The following FBXO36 variants were observed in gnomAD, a reference collection of about 807,000 sequenced individuals.
The protein encoded by FBXO36 is F-box only protein 36.
FBXO36 carries 18 observed loss-of-function variants against 17.0 expected under a neutral mutation model. The observed-to-expected ratio is 1.06, with a 90% CI of 0.73 to 1.57. FBXO36 has a LOEUF of 1.57. Among genes scored for constraint, FBXO36 ranks in the 40% most tolerant of loss-of-function variants. FBXO36 has a pLI of 0.00. For missense variants in FBXO36, 229 were observed against 221.9 expected (o/e 1.03, Z -0.20); for synonymous variants, 83 against 85.3 (o/e 0.97, Z 0.15).
chr2:229,944,573 T>C (rs999753623), intron 1 of FBXO36, among the ~76,000 whole-genome samples: 2 of 148,568 alleles, frequency 1.3e-5, no homozygotes, highest in African/African-American at 4.9e-5. Context: ...CTAGCAAAAC[T>C]GGTATTTTTT....
chr2:230,005,588 G>A (rs756625085), intron 3 of FBXO36, among the ~76,000 whole-genome samples: 11 of 152,044 alleles, frequency 7.2e-5, no homozygotes, highest in African/African-American at 1.2e-4. Context: ...TATAATATGC[G>A]CCTCCATGCA....
At chr2:229,967,725 A>G (rs1560444224) in intron 1 of FBXO36, among the ~76,000 whole-genome samples, 1 of 152,164 alleles carries the variant, frequency 6.6e-6, no homozygotes, top group Non-Finnish European at 1.5e-5. Context: ...CCAGGGATGA[A>G]GCCCACTTGA....
At chr2:229,929,684 A>G (rs2076929571) in intron 1 of FBXO36, among the ~76,000 whole-genome samples, 1 of 151,772 alleles carries the variant, frequency 6.6e-6, no homozygotes, top group Non-Finnish European at 1.5e-5. Context: ...CAGCCTGGCC[A>G]ACATTCTACT....
chr2:229,938,652 C>A (rs1240561950), intron 1 of FBXO36, among the ~76,000 whole-genome samples: 3 of 149,198 alleles, frequency 2.0e-5, no homozygotes, highest in African/African-American at 5.0e-5. Flanking sequence ...TCCCCACCAT[C>A]ATGCCGGGCT....
intron 3 of FBXO36, among the ~76,000 whole-genome samples, chr2:229,998,719 C>T (rs573645449): frequency 7.9e-5 from 12 of 151,508 alleles, no homozygotes; most frequent in African/African-American, 2.7e-4. Context: ...GAGCCCAGGA[C>T]GTTGAGGTTA....
At chr2:229,979,974 C>T (rs1003572411) in intron 2 of FBXO36, among the ~76,000 whole-genome samples, 1 of 152,116 alleles carries the variant, frequency 6.6e-6, no homozygotes, top group African/African-American at 2.4e-5. Context: ...GTGGACCAGA[C>T]ATGTTTCTAT....
At chr2:229,973,577 C>T (rs1246808944) in intron 1 of FBXO36, among the ~76,000 whole-genome samples, 1 of 151,772 alleles carries the variant, frequency 6.6e-6, no homozygotes, top group African/African-American at 2.4e-5. Flanking sequence ...AAAAATTAGC[C>T]AGGTGCCGTG....
chr2:229,922,563 C>T lies in FBXO36; in HGVS notation c.50C>T (p.Pro17Leu), dbSNP rs1306732381. ...ETLFETVGQG[P>L]PPSKDYYQLL... is the part of the protein sequence containing the mutation. ...CTCTTTGAAACTGTAGGACAAGGCCCGCCGCCTAGCAAAGACTATTACCAG... is the reference window on the plus strand; with the variant it reads ...CTCTTTGAAACTGTAGGACAAGGCCTGCCGCCTAGCAAAGACTATTACCAG... The change falls in exon 1 of 4, where the codon CCG becomes CTG. Residue 17 changes from proline to leucine, a missense_variant. Coordinates refer to ENST00000283946, the MANE Select transcript of FBXO36 (RefSeq NM_174899.5). The T allele has an allele frequency of 6.2e-7, 1 of 1,614,112 alleles. No homozygotes were observed. Among genetic ancestry groups the T allele is most frequent in the African/African-American group, 1.3e-5 (1 of 75,046 alleles).
chr2:229,992,088 GTA>G lies in FBXO36; in HGVS notation c.206-4661_206-4660del, dbSNP rs550284425. ...TTAAGCATCAAGAAGAAATCAGGCA[GTA>G]TGTTCCTGCTCTGCTTGGACATTTC... On this transcript the variant is annotated intron_variant, in intron 2 of 3. Coordinates refer to ENST00000283946, the MANE Select transcript of FBXO36 (RefSeq NM_174899.5). Among the ~76,000 whole-genome samples the G allele has an allele frequency of 2.8e-3, 422 of 151,922 alleles. 3 individuals are homozygous for G. Among genetic ancestry groups the G allele is most frequent in the Non-Finnish European group, 4.1e-3 (278 of 67,992 alleles).
At chr2:229,951,020 G>GCCT (rs1295665275) in intron 1 of FBXO36, among the ~76,000 whole-genome samples, 16 of 152,182 alleles carry the variant, frequency 1.1e-4, no homozygotes, top group Admixed American at 5.2e-4. Flanking sequence ...TGCAACCTCC[G>GCCT]CCTCCTGGGT....
At chr2:229,985,824 G>A (rs946000858) in intron 2 of FBXO36, among the ~76,000 whole-genome samples, 1 of 152,168 alleles carries the variant, frequency 6.6e-6, no homozygotes, top group Admixed American at 6.6e-5. Flanking sequence ...AAAGGTGGGA[G>A]GACTGCCTGA....
intron 1 of FBXO36, among the ~76,000 whole-genome samples, chr2:229,969,845 C>G (rs1374435614): frequency 6.6e-6 from 1 of 151,984 alleles, no homozygotes; most frequent in East Asian, 1.9e-4. Flanking sequence ...AATATATAAA[C>G]AAACAATCTT....
chr2:229,960,672 TTTTAG>T, intron 1 of FBXO36, among the ~76,000 whole-genome samples: 1 of 152,312 alleles, frequency 6.6e-6, no homozygotes, highest in Non-Finnish European at 1.5e-5. Flanking sequence ...TATTTTTACT[TTTTAG>T]TTTTTTGTAG....
intron 1 of FBXO36, among the ~76,000 whole-genome samples, chr2:229,954,436 T>C (rs1182036613): frequency 3.3e-5 from 5 of 150,452 alleles, no homozygotes; most frequent in Non-Finnish European, 7.4e-5. Context: ...AAAGATGGAG[T>C]TTTGCCCTGT....
intron 1 of FBXO36, among the ~76,000 whole-genome samples, chr2:229,947,269 G>T (rs1252605842): frequency 6.6e-6 from 1 of 152,204 alleles, no homozygotes; most frequent in Non-Finnish European, 1.5e-5. Context: ...GTGACTATAT[G>T]ATATGAATCT....
chr2:229,967,766 A>G (rs529288523), intron 1 of FBXO36, among the ~76,000 whole-genome samples: 1 of 152,268 alleles, frequency 6.6e-6, no homozygotes, highest in Admixed American at 6.6e-5. Context: ...ATGTGCTGCT[A>G]GATTCGGTTT....
rs1225757557 is a variant in FBXO36, at chr2:229,938,755, C to T, written c.96+16146C>T. On this transcript the variant is annotated intron_variant, in intron 1 of 3. Coordinates refer to ENST00000283946, the MANE Select transcript of FBXO36 (RefSeq NM_174899.5). Reference sequence around the variant, plus strand: ...ATTAGTTTTCTTACCCCCAAAAAACCTTTTTTTTTTTTTTTTCCCCCGAGG... The same window carrying T: ...ATTAGTTTTCTTACCCCCAAAAAACTTTTTTTTTTTTTTTTTCCCCCGAGG... Among the ~76,000 whole-genome samples, 4 of 111,306 alleles carry T rather than the reference C, an allele frequency of 3.6e-5. No individual in the cohort carries two copies. In the Admixed American group the frequency reaches 4.0e-4, roughly 11 times the overall value. 73.0% of individuals were successfully genotyped at this position (111,306 alleles called of 152,430 possible). A position where few individuals can be genotyped will look rare whatever the true frequency, so the allele number is the denominator to read the frequency against.
At chr2:229,952,805 A>G (rs1005622924) in intron 1 of FBXO36, among the ~76,000 whole-genome samples, 4 of 152,162 alleles carry the variant, frequency 2.6e-5, no homozygotes, top group African/African-American at 7.2e-5. Flanking sequence ...GAGCTGTGCA[A>G]CTGATAACGA....
At chr2:229,927,099 A>T (rs1261039430) in intron 1 of FBXO36, among the ~76,000 whole-genome samples, 1 of 152,170 alleles carries the variant, frequency 6.6e-6, no homozygotes, top group African/African-American at 2.4e-5. Flanking sequence ...GCCTCAAGTG[A>T]TCTGCCCGCC....
Sources: gnomAD v4.1 joint callset for allele counts (sites outside exome capture counted in the v4.1 genomes callset) on GRCh38, gnomAD v4.1.1 for gene constraint, MANE v1.5 for transcripts, NCBI Gene and HGNC (gene_info 2026-07-23, HGNC 2026-07-21) for gene names.